MYO10: variants seen among roughly 807,000 people sequenced by gnomAD.
The protein encoded by MYO10 is myosin X.
A neutral mutation model predicts 257.3 loss-of-function variants in MYO10; 133 were observed. That is an observed-to-expected ratio of 0.52 (90% confidence interval 0.45 to 0.60). The LOEUF (loss-of-function observed/expected upper bound fraction) is 0.60, where lower values mean the gene tolerates loss of function less well. MYO10 is among the 20% of genes least tolerant of loss of function. The pLI, the probability that MYO10 is intolerant of heterozygous loss-of-function variation, is 0.00. For missense variants in MYO10, 2,399 were observed against 2,635.7 expected, an observed-to-expected ratio of 0.91 and a Z score of 1.97; for synonymous variants, 1,104 against 1,028.6, an observed-to-expected ratio of 1.07 and a Z score of -1.40.
rs1736663995 is a variant in MYO10, at chr5:16,675,091, G to A, written c.4726C>T (p.Leu1576=). ...TCAGACATGGACTCCAGTTGCTGCAGGGAATTGAATATCTTGATGGCCTCA... is the reference window on the plus strand; with the variant it reads ...TCAGACATGGACTCCAGTTGCTGCAAGGAATTGAATATCTTGATGGCCTCA... ...QDEAIKIFNS[L]QQLESMSDPI... Residue 1576 remains leucine (L), a synonymous_variant, in exon 35 of 41, where the codon CTG becomes TTG. Coordinates refer to ENST00000513610, the MANE Select transcript of MYO10 (RefSeq NM_012334.3). 1 of 1,613,882 alleles carries A rather than the reference G, an allele frequency of 6.2e-7. No homozygotes were observed. Among genetic ancestry groups the A allele is most frequent in the Admixed American group, 1.7e-5 (1 of 60,000 alleles).
At chr5:16,755,455 G>A (rs1238528677) in intron 18 of MYO10, among the ~76,000 whole-genome samples, 2 of 152,168 alleles carry the variant, frequency 1.3e-5, no homozygotes, top group Non-Finnish European at 2.9e-5. Context: ...GTGAGCCACC[G>A]CGCCCGGCCT....
At chr5:16,823,616 C>T (rs10067489) in intron 2 of MYO10, among the ~76,000 whole-genome samples, 131,373 of 149,226 alleles carry the variant, frequency 0.88, 58,379 homozygotes, top group East Asian at 0.96. Context: ...GGACTACAGG[C>T]GCCCGCCACC....
At chr5:16,733,626 A>G (rs1739673608) in intron 19 of MYO10, among the ~76,000 whole-genome samples, 1 of 152,122 alleles carries the variant, frequency 6.6e-6, no homozygotes, top group Non-Finnish European at 1.5e-5. Context: ...TTGCTTATTC[A>G]TGTATTAAAG....
chr5:16,683,846 A>G (rs1737119580), intron 30 of MYO10, 34 bp downstream of exon 30: 1 of 1,607,532 alleles, frequency 6.2e-7, no homozygotes, highest in Non-Finnish European at 8.5e-7. Flanking sequence ...ACAGGTGATG[A>G]GCTGTTTTTG....
chr5:16,736,007 C>T (rs899397247), intron 19 of MYO10, among the ~76,000 whole-genome samples: 4 of 152,176 alleles, frequency 2.6e-5, no homozygotes, highest in African/African-American at 9.7e-5. Context: ...TTTCTACTCT[C>T]CACAGCACCG....
At chr5:16,786,659 C>G (rs1741590127) in intron 4 of MYO10, among the ~76,000 whole-genome samples, 1 of 151,862 alleles carries the variant, frequency 6.6e-6, no homozygotes, top group Non-Finnish European at 1.5e-5. Context: ...TTCCAAAATC[C>G]AAAAACATTG....
rs550546982 is a variant in MYO10 at position 16,910,676 on chromosome 5, T to C, written c.21+25112A>G. On this transcript the variant is annotated intron_variant, in intron 1 of 40. Coordinates refer to ENST00000513610, the MANE Select transcript of MYO10 (RefSeq NM_012334.3). Reference sequence around the variant, plus strand: ...TTAATGCATTCACCATTTCATTCCCTAGCGACCCTGCGGGATGGGTACAGT... The same window carrying C: ...TTAATGCATTCACCATTTCATTCCCCAGCGACCCTGCGGGATGGGTACAGT... Among the ~76,000 whole-genome samples, 6 of 152,312 alleles carry C rather than the reference T, an allele frequency of 3.9e-5. No individual in the cohort carries two copies. The South Asian group carries it at 1.2e-3, about 32-fold the overall frequency.
intron 4 of MYO10, among the ~76,000 whole-genome samples, chr5:16,793,916 AGCGAAACTC>A (rs1307144224): frequency 2.1e-5 from 3 of 144,700 alleles, no homozygotes; most frequent in African/African-American, 7.7e-5. Flanking sequence ...GGGCAACAAG[AGCGAAACTC>A]CAACTCAAAA....
chr5:16,852,117 G>GGAA (rs1743824931), intron 2 of MYO10, among the ~76,000 whole-genome samples: 1 of 149,254 alleles, frequency 6.7e-6, no homozygotes, highest in Middle Eastern at 3.5e-3. Flanking sequence ...AAGGAAGGAA[G>GGAA]GAAGGGAGGG....
rs61326508 is a variant in MYO10, at chr5:16,777,839, C to CTTTTTTTTTTTTTT, written c.930+1692_930+1705dup. On this transcript the variant is annotated intron_variant, in intron 9 of 40. Transcript: ENST00000513610. ...GCCACCCTAGGTGCATTGCATCTAA[C>CTTTTTTTTTTTTTT]TTTTTTTTTTTTTTTTTTTTTTTTT... Among the ~76,000 whole-genome samples the CTTTTTTTTTTTTTT allele has an allele frequency of 2.9e-4, 26 of 88,476 alleles. 4 individuals carry two copies. The highest frequency in any genetic ancestry group is 1.3e-3 in the African/African-American group (24 of 18,650). 58.0% of individuals were successfully genotyped at this position (88,476 alleles called of 152,430 possible).
At chr5:16,700,464 G>A in intron 25 of MYO10, among the ~76,000 whole-genome samples, 1 of 152,206 alleles carries the variant, frequency 6.6e-6, no homozygotes, top group East Asian at 1.9e-4. Flanking sequence ...ATCACCTGAG[G>A]TCAGGAGTTC....
At chr5:16,707,526 A>C (rs1038021049) in intron 21 of MYO10, among the ~76,000 whole-genome samples, 1 of 152,298 alleles carries the variant, frequency 6.6e-6, no homozygotes, top group Non-Finnish European at 1.5e-5. Context: ...CCTGTGGGTT[A>C]TTCTAGTACA....
intron 4 of MYO10, among the ~76,000 whole-genome samples, chr5:16,792,863 T>A (rs905406484): frequency 4.0e-5 from 6 of 150,922 alleles, no homozygotes; most frequent in Admixed American, 4.0e-4. Context: ...CTTTTTAGTG[T>A]CCCCCCCTCC....
At chr5:16,783,247 G>T in intron 5 of MYO10, 88 bp downstream of exon 5, 3 of 1,320,330 alleles carry the variant, frequency 2.3e-6, no homozygotes, top group South Asian at 3.0e-5. Flanking sequence ...AGAGAAACGC[G>T]ACCAACTAAT....
In MYO10 at chr5:16,665,659, T is replaced by C. The variant is rs1736130869; in HGVS notation, c.*1033A>G. The C allele has an allele frequency of 6.6e-6, 1 of 152,440 alleles. No homozygotes were observed. The highest frequency in any genetic ancestry group is 1.5e-5 in the Non-Finnish European group (1 of 68,046). 9.4% of individuals were successfully genotyped at this position (152,440 alleles called of 1,614,324 possible). On this transcript the variant is annotated 3_prime_UTR_variant, in exon 41 of 41. Coordinates refer to ENST00000513610, the MANE Select transcript of MYO10 (RefSeq NM_012334.3). The stretch of plus-strand genomic sequence containing the variant: ...CCATAGTCAACATGGTTATTATATC[T>C]GTAATCTATCCAGAATGATAGAAGC...
At chr5:16,793,931 C>CA (rs34849998) in intron 4 of MYO10, among the ~76,000 whole-genome samples, 72,340 of 131,664 alleles carry the variant, frequency 0.55, 18,156 homozygotes, top group South Asian at 0.65. Context: ...AACTCCAACT[C>CA]AAAAAAAAAA....
rs534921840 is a variant in MYO10, at chr5:16,857,836, G to A, written c.120+19773C>T. Reference sequence around the variant, plus strand: ...TCCTGGGCTCACCTCCAGGGAGGCTGTACCATTTGGTGTGGCATAGTGGCC... The same window carrying A: ...TCCTGGGCTCACCTCCAGGGAGGCTATACCATTTGGTGTGGCATAGTGGCC... On this transcript the variant is annotated intron_variant, in intron 2 of 40. Transcript: ENST00000513610. 5.9e-5 allele frequency among the ~76,000 whole-genome samples: 9 copies of A among 152,318 alleles called. No homozygotes were observed. In the South Asian group the frequency reaches 1.9e-3, roughly 32 times the overall value.
chr5:16,921,692 A>G lies in MYO10; in HGVS notation c.21+14096T>C, dbSNP rs78850400. 2.6e-3 allele frequency among the ~76,000 whole-genome samples: 389 copies of G among 152,176 alleles called. 2 individuals are homozygous for G. Among genetic ancestry groups the G allele is most frequent in the African/African-American group, 8.2e-3 (340 of 41,522 alleles). On this transcript the variant is annotated intron_variant, in intron 1 of 40. Coordinates refer to ENST00000513610, the MANE Select transcript of MYO10 (RefSeq NM_012334.3). ...GAGGAAGATCGAAAAAATACTATCA[A>G]GTTTCATCTGTGGCCTTAAGAGTAT...
At chr5:16,916,833 A>G in intron 1 of MYO10, among the ~76,000 whole-genome samples, 1 of 152,244 alleles carries the variant, frequency 6.6e-6, no homozygotes, top group East Asian at 1.9e-4. Flanking sequence ...CCATTCAAAG[A>G]GGCTGCCTCT....
Sources: allele counts gnomAD v4.1 joint callset (sites outside exome capture counted in the v4.1 genomes callset), GRCh38; gene constraint gnomAD v4.1.1; transcripts MANE v1.5; gene names NCBI Gene and HGNC (gene_info 2026-07-23, HGNC 2026-07-21).